TMEM9B: variants seen among roughly 807,000 people sequenced by gnomAD.
TMEM9B encodes the protein transmembrane protein 9B.
In TMEM9B, 8 loss-of-function variants were observed where a neutral mutation model predicts 23.5. The observed-to-expected ratio is 0.34, with a 90% CI of 0.20 to 0.61. The LOEUF (loss-of-function observed/expected upper bound fraction) is 0.61, where lower values mean the gene tolerates loss of function less well. Among genes scored for constraint, TMEM9B ranks in the 20% least tolerant of loss-of-function variants. The probability of loss-of-function intolerance (pLI) is 0.78; values close to 1 mark genes in which losing one functional copy is unlikely to be tolerated. For synonymous variants in TMEM9B, 106 were observed against 96.3 expected (o/e 1.10, Z -0.59); for missense variants, 197 against 252.3 (o/e 0.78, Z 1.49).
At chr11:8,949,018 T>A (rs998739262) in intron 4 of TMEM9B, among the ~76,000 whole-genome samples, 2 of 152,212 alleles carry the variant, frequency 1.3e-5, no homozygotes, top group African/African-American at 4.8e-5. Context: ...TATCTTGGGT[T>A]GTTTTTAATC....
intron 4 of TMEM9B, among the ~76,000 whole-genome samples, chr11:8,950,965 A>G (rs1452055681): frequency 6.6e-6 from 1 of 152,186 alleles, no homozygotes; most frequent in African/African-American, 2.4e-5. Flanking sequence ...TGTTACCATA[A>G]ATTCACAGCT....
intron 1 of TMEM9B, 115 bp from the exon 2 acceptor site, chr11:8,962,298 A>G (rs1854095521): frequency 3.1e-6 from 2 of 648,032 alleles, no homozygotes; most frequent in African/African-American, 3.9e-5. Context: ...GTATTCTAAA[A>G]TCATTCATTT....
chr11:8,948,448 C>T lies in TMEM9B; in HGVS notation c.469G>A (p.Asp157Asn), dbSNP rs770760054. The change falls in exon 5 of 5, where the codon GAT (aspartate) becomes AAT (asparagine). Residue 157 changes from aspartate (D) to asparagine (N), a missense_variant. Around this residue, in one of 2 missense-constraint regions of TMEM9B, gnomAD observed 141 missense variants for 214.1 expected, o/e 0.66. Transcript: ENST00000534025. ...GDHQPFANAH[D>N]VLARSRSRAN... ...CGACTGCGGGAGCGGGCTAGCACATCGTGTGCATTTGCAAAAGGCTGGTGA... is the reference window on the plus strand; with the variant it reads ...CGACTGCGGGAGCGGGCTAGCACATTGTGTGCATTTGCAAAAGGCTGGTGA... The T allele has an allele frequency of 1.1e-5, 17 of 1,613,994 alleles. No individual in the cohort carries two copies. Among genetic ancestry groups the T allele is most frequent in the African/African-American group, 1.3e-5 (1 of 75,036 alleles).
Position 8,948,362 on chromosome 11 carries a change from C to G in TMEM9B, c.555G>C (p.Glu185Asp). ...AQQRWKLQVQ[E>D]QRKSVFDRHV... ...GCCGGTCAAAGACAGACTTTCGCTG[C>G]TCTTGGACTTGAAGCTTCCAGCGCT... is the stretch of plus-strand genomic sequence containing the variant. Residue 185 changes from glutamate (E) to aspartate (D), a missense_variant, in exon 5 of 5, where the codon GAG becomes GAC. Physicochemically the swap from Glu to Asp is conservative, Grantham distance 45. Around this residue, in one of 2 missense-constraint regions of TMEM9B, gnomAD observed 141 missense variants for 214.1 expected, o/e 0.66. Coordinates refer to ENST00000534025, the MANE Select transcript of TMEM9B (RefSeq NM_020644.3). The G allele has an allele frequency of 6.2e-7, 1 of 1,614,222 alleles. No individual in the cohort carries two copies. The highest frequency in any genetic ancestry group is 8.5e-7 in the Non-Finnish European group (1 of 1,180,040).
intron 2 of TMEM9B, among the ~76,000 whole-genome samples, chr11:8,958,206 T>A (rs371336217): frequency 6.9e-6 from 1 of 144,126 alleles, no homozygotes; most frequent in Non-Finnish European, 1.5e-5. Flanking sequence ...CTCACGCCTG[T>A]AATCTCAGCA....
intron 4 of TMEM9B, among the ~76,000 whole-genome samples, chr11:8,948,823 A>G (rs955766434): frequency 2.6e-5 from 4 of 152,136 alleles, no homozygotes; most frequent in South Asian, 4.1e-4. Flanking sequence ...AAGAAAATCT[A>G]TTTTCATGTT....
chr11:8,953,828 G>A (rs1025590862), intron 3 of TMEM9B, among the ~76,000 whole-genome samples: 25 of 152,212 alleles, frequency 1.6e-4, no homozygotes, highest in Admixed American at 3.9e-4. Flanking sequence ...ATACGCTGTG[G>A]TGGGAATGTA....
At chr11:8,955,158 A>G (rs1355695873) in intron 3 of TMEM9B, among the ~76,000 whole-genome samples, 1 of 151,860 alleles carries the variant, frequency 6.6e-6, no homozygotes, top group Non-Finnish European at 1.5e-5. Context: ...CTCAAAAAAA[A>G]AAAAAAATTG....
intron 1 of TMEM9B, chr11:8,963,000 C>T (rs1014577298): frequency 6.6e-6 from 1 of 152,228 alleles, no homozygotes; most frequent in African/African-American, 2.4e-5. Context: ...CAAACGTATT[C>T]AGCAACCACT....
At chr11:8,962,245 T>C (rs1373066949) in intron 1 of TMEM9B, 62 bp from the exon 2 acceptor site, 19 of 1,100,806 alleles carry the variant, frequency 1.7e-5, no homozygotes, top group Non-Finnish European at 2.5e-5. Context: ...TTTTAAAAAC[T>C]GTACCATATA....
rs1021573320 is a variant in TMEM9B, at chr11:8,947,315, A to G, written c.*1005T>C. On this transcript the variant is annotated 3_prime_UTR_variant, in exon 5 of 5. Transcript: ENST00000534025. ...GATGGATGTTTCAAAAATTATTTTT[A>G]TTGTTACATTCCAAAGAGGACATAG... 2.5e-5 allele frequency: 3 copies of G among 121,416 alleles called. No homozygotes were observed. The highest frequency in any genetic ancestry group is 5.4e-5 in the Non-Finnish European group (3 of 55,876). 7.5% of individuals were successfully genotyped at this position (121,416 alleles called of 1,614,324 possible). A position where few individuals can be genotyped will look rare whatever the true frequency, so the allele number is the denominator to read the frequency against.
rs186338619 is a variant in TMEM9B, at chr11:8,961,394, G to A, written c.197+698C>T. Among the ~76,000 whole-genome samples, 578 of 152,296 alleles carry A rather than the reference G, an allele frequency of 3.8e-3. 3 individuals carry two copies. The highest frequency in any genetic ancestry group is 5.4e-3 in the Non-Finnish European group (368 of 68,012). On this transcript the variant is annotated intron_variant, in intron 2 of 4. Coordinates refer to ENST00000534025, the MANE Select transcript of TMEM9B (RefSeq NM_020644.3). ...AAACCATAAAACATCACAATTCTAT[G>A]GGAAGGAACACATTCATCCTGCTGT... is the stretch of plus-strand genomic sequence containing the variant.
intron 1 of TMEM9B, chr11:8,963,988 G>A (rs1854132877): frequency 1.8e-6 from 1 of 556,152 alleles, no homozygotes; most frequent in Non-Finnish European, 3.2e-6. Context: ...GGCTGGGGAC[G>A]ACCGTGGGGC....
At chr11:8,955,521 C>T (rs927367780) in intron 3 of TMEM9B, among the ~76,000 whole-genome samples, 2 of 152,192 alleles carry the variant, frequency 1.3e-5, no homozygotes, top group Non-Finnish European at 2.9e-5. Flanking sequence ...GAGTCAGTGA[C>T]AGATCATCAG....
At chr11:8,953,956 A>G (rs1853927818) in intron 3 of TMEM9B, among the ~76,000 whole-genome samples, 2 of 152,236 alleles carry the variant, frequency 1.3e-5, no homozygotes, top group South Asian at 4.1e-4. Flanking sequence ...ATACAAAGAC[A>G]TATGTGCAGA....
Position 8,948,339 on chromosome 11 carries a change from C to A in TMEM9B, c.578G>T (p.Arg193Leu), listed in dbSNP as rs759653451. 1.9e-5 allele frequency: 31 copies of A among 1,613,856 alleles called. No homozygotes were observed. Among genetic ancestry groups the A allele is most frequent in the Non-Finnish European group, 2.6e-5 (31 of 1,179,894 alleles). ...VQEQRKSVFD[R>L]HVVLS Reference sequence around the variant, plus strand: ...TCCCAATTAGCTGAGGACAACATGCCGGTCAAAGACAGACTTTCGCTGCTC... The same window carrying A: ...TCCCAATTAGCTGAGGACAACATGCAGGTCAAAGACAGACTTTCGCTGCTC... The change falls in exon 5 of 5, where the codon CGG becomes CTG. Residue 193 changes from arginine to leucine, a missense_variant. By Grantham distance (102) the Arg-to-Leu change is moderately radical. Around this residue, in one of 2 missense-constraint regions of TMEM9B, gnomAD observed 141 missense variants for 214.1 expected, o/e 0.66. Coordinates refer to ENST00000534025, the MANE Select transcript of TMEM9B (RefSeq NM_020644.3).
At chr11:8,952,244 CTA>C (rs138579954) in intron 4 of TMEM9B, among the ~76,000 whole-genome samples, 44 of 110,118 alleles carry the variant, frequency 4.0e-4, no homozygotes, top group African/African-American at 1.5e-3. Flanking sequence ...ATTATGCCAA[CTA>C]TATACACACA....
Position 8,964,397 on chromosome 11 carries a change from AC to A in TMEM9B, c.-85del, listed in dbSNP as rs1277399135. The stretch of plus-strand genomic sequence containing the variant: ...CTCAGGCTCAGGCTCAGGCTCAGGC[AC>A]AGGCTTGGGACCCGGCTGGGGATCC... On this transcript the variant is annotated 5_prime_UTR_variant, in exon 1 of 5. Transcript: ENST00000534025. 2 of 1,266,932 alleles carry A rather than the reference AC, an allele frequency of 1.6e-6. No individual in the cohort carries two copies. The highest frequency in any genetic ancestry group is 2.0e-6 in the Non-Finnish European group (2 of 980,782). The allele number at this position is 1,266,932 out of a possible 1,614,324, so 78.5% of individuals were successfully genotyped here. A position where few individuals can be genotyped will look rare whatever the true frequency, so the allele number is the denominator to read the frequency against.
intron 4 of TMEM9B, among the ~76,000 whole-genome samples, chr11:8,951,522 C>CGAGCTG (rs1853873585): frequency 1.3e-5 from 2 of 151,176 alleles, no homozygotes; most frequent in Admixed American, 6.6e-5. Flanking sequence ...GAGGCCGAGG[C>CGAGCTG]AGGGGGATCA....
Sources: gnomAD v4.1 joint callset for allele counts (sites outside exome capture counted in the v4.1 genomes callset) on GRCh38, gnomAD v4.1.1 for gene constraint, gnomAD v4.1.1 regional missense constraint, MANE v1.5 for transcripts, NCBI Gene and HGNC (gene_info 2026-07-23, HGNC 2026-07-21) for gene names.